The following AGTPBP1 variants were observed in gnomAD, a reference collection of about 807,000 sequenced individuals.
The protein encoded by AGTPBP1 is cytosolic carboxypeptidase 1.
A neutral mutation model predicts 143.9 loss-of-function variants in AGTPBP1; 70 were observed. The ratio of observed to expected loss-of-function variants is 0.49; its 90% CI spans 0.40 to 0.59. AGTPBP1 has a LOEUF of 0.59. AGTPBP1 is among the 20% of genes least tolerant of loss of function. AGTPBP1 has a pLI of 0.00. For missense variants in AGTPBP1, 1,229 were observed against 1,464.5 expected, an observed-to-expected ratio of 0.84 and a Z score of 2.62; for synonymous variants, 463 against 500.2, an observed-to-expected ratio of 0.93 and a Z score of 0.99.
chr9:85,637,353 A>T (rs970014836), intron 13 of AGTPBP1, among the ~76,000 whole-genome samples: 3 of 152,102 alleles, frequency 2.0e-5, no homozygotes, highest in African/African-American at 7.2e-5. Flanking sequence ...ACCCCAAAAA[A>T]TTTTGTGCAC....
chr9:85,656,633 A>T (rs1295031048), intron 10 of AGTPBP1, among the ~76,000 whole-genome samples: 1 of 152,104 alleles, frequency 6.6e-6, no homozygotes, highest in African/African-American at 2.4e-5. Context: ...GTTGCATTGC[A>T]ACATCCTCAT....
the AGTPBP1 span, among the ~76,000 whole-genome samples, chr9:85,767,009 C>CT: frequency 0.011 from 1,419 of 128,584 alleles, 20 homozygotes; most frequent in East Asian, 0.036. Flanking sequence ...GGTCACACCG[C>CT]TTTTTTTTTT....
intron 25 of AGTPBP1, among the ~76,000 whole-genome samples, chr9:85,549,906 G>T (rs1193890202): frequency 6.6e-6 from 1 of 152,182 alleles, no homozygotes; most frequent in Non-Finnish European, 1.5e-5. Flanking sequence ...ACCCATTCTA[G>T]TAAGAGTATG....
chr9:85,598,708 CATTATTATTTATT>C (rs1829455062), intron 17 of AGTPBP1, among the ~76,000 whole-genome samples: 1 of 152,036 alleles, frequency 6.6e-6, no homozygotes, highest in African/African-American at 2.4e-5. Flanking sequence ...TTTAGTCTGA[CATTATTATTTATT>C]ATTATTATTT....
intron 2 of AGTPBP1, among the ~76,000 whole-genome samples, chr9:85,697,445 GTTTTTTT>G (rs758082233): frequency 6.1e-5 from 4 of 65,058 alleles, no homozygotes; most frequent in African/African-American, 1.3e-4. Context: ...TTTGTTTTTT[GTTTTTTT>G]TTTTTTTTTT....
chr9:85,775,971 C>T, the AGTPBP1 span, among the ~76,000 whole-genome samples: 3,421 of 152,260 alleles, frequency 0.022, 41 homozygotes, highest in South Asian at 0.037. Context: ...AGTTAACACT[C>T]GGTATTTACC....
intron 17 of AGTPBP1, among the ~76,000 whole-genome samples, chr9:85,607,296 TATTAC>T (rs1304477048): frequency 6.6e-6 from 1 of 152,094 alleles, no homozygotes. Context: ...AAACAATTAT[TATTAC>T]ATTACATTTA....
intron 14 of AGTPBP1, among the ~76,000 whole-genome samples, chr9:85,622,169 T>A (rs750392829): frequency 1.1e-4 from 17 of 152,200 alleles, no homozygotes; most frequent in Non-Finnish European, 2.1e-4. Flanking sequence ...ATGCACTGAT[T>A]TAAATTTCAA....
At chr9:85,800,711 T>C in the AGTPBP1 span, among the ~76,000 whole-genome samples, 1 of 152,136 alleles carries the variant, frequency 6.6e-6, no homozygotes, top group Non-Finnish European at 1.5e-5. Context: ...AGTCCATGTA[T>C]AGTTAAAGCA....
the AGTPBP1 span, among the ~76,000 whole-genome samples, chr9:85,757,061 T>C: frequency 6.6e-6 from 1 of 152,126 alleles, no homozygotes; most frequent in Non-Finnish European, 1.5e-5. Flanking sequence ...AGTGTGAATA[T>C]ATGAAAAACC....
At chr9:85,586,744 C>T in intron 22 of AGTPBP1, 87 bp downstream of exon 22, 1 of 1,430,940 alleles carries the variant, frequency 7.0e-7, no homozygotes, top group South Asian at 1.3e-5. Flanking sequence ...ATTAATTTGA[C>T]CTCATGATTA....
intron 25 of AGTPBP1, among the ~76,000 whole-genome samples, chr9:85,550,667 C>T (rs1304876874): frequency 1.3e-5 from 2 of 152,146 alleles, no homozygotes; most frequent in South Asian, 2.1e-4. Flanking sequence ...GTCCCATGAC[C>T]GTCTCACGTG....
intron 2 of AGTPBP1, among the ~76,000 whole-genome samples, chr9:85,703,761 AG>A (rs1183081774): frequency 1.3e-5 from 2 of 152,248 alleles, no homozygotes; most frequent in African/African-American, 4.8e-5. Flanking sequence ...CTAAATCAAT[AG>A]GACTCAAATG....
intron 1 of AGTPBP1, among the ~76,000 whole-genome samples, chr9:85,717,743 A>G (rs1001885069): frequency 1.3e-5 from 2 of 149,674 alleles, no homozygotes; most frequent in African/African-American, 4.9e-5. Context: ...GGTTTGTTCC[A>G]TAGGTATACA....
intron 2 of AGTPBP1, among the ~76,000 whole-genome samples, chr9:85,711,444 T>C (rs1383916948): frequency 6.7e-6 from 1 of 149,586 alleles, no homozygotes; most frequent in African/African-American, 2.4e-5. Flanking sequence ...TTTCTTTCTT[T>C]TTTTTTTTTT....
At chr9:85,661,024 T>A in intron 8 of AGTPBP1, 51 bp from the exon 9 acceptor site, 1 of 1,428,086 alleles carries the variant, frequency 7.0e-7, no homozygotes, top group Non-Finnish European at 9.6e-7. Context: ...GTAAAATTAA[T>A]CTACAATAGT....
At chr9:85,591,148 A>G (rs1036488242) in intron 19 of AGTPBP1, among the ~76,000 whole-genome samples, 2 of 151,636 alleles carry the variant, frequency 1.3e-5, no homozygotes, top group Non-Finnish European at 2.9e-5. Context: ...TTAAAGATAA[A>G]TAAATAATAC....
chr9:85,618,827 C>T (rs186751791), intron 17 of AGTPBP1, among the ~76,000 whole-genome samples, 156 bp downstream of exon 17: 6 of 152,232 alleles, frequency 3.9e-5, no homozygotes, highest in Admixed American at 3.3e-4. Context: ...AAAAGCTTGA[C>T]CTATTTCAAA....
At chr9:85,689,944 A>ATC (rs1554726706) in intron 3 of AGTPBP1, among the ~76,000 whole-genome samples, 3 of 137,726 alleles carry the variant, frequency 2.2e-5, no homozygotes, top group South Asian at 2.3e-4. Flanking sequence ...ATATATATAT[A>ATC]TATCTTAAAG....
Sources: gnomAD v4.1 joint callset for allele counts (sites outside exome capture counted in the v4.1 genomes callset) on GRCh38, gnomAD v4.1.1 for gene constraint, MANE v1.5 for transcripts, NCBI Gene and HGNC (gene_info 2026-07-23, HGNC 2026-07-21) for gene names.